The following PCDHGB4 variants were observed in gnomAD, a reference collection of about 807,000 sequenced individuals.
PCDHGB4 encodes the protein protocadherin gamma-B4.
Under a neutral mutation model 60.5 loss-of-function variants are expected in PCDHGB4, and 38 were observed. The observed-to-expected ratio is 0.63, with a 90% CI of 0.48 to 0.82. PCDHGB4 has a LOEUF of 0.82. Among genes scored for constraint, PCDHGB4 ranks in the 40% least tolerant of loss-of-function variants. The probability of loss-of-function intolerance (pLI) is 0.00; values close to 1 mark genes in which losing one functional copy is unlikely to be tolerated. For missense variants in PCDHGB4, 1,109 were observed against 1,209.6 expected (o/e 0.92, Z 1.23); for synonymous variants, 456 against 509.7 (o/e 0.89, Z 1.42).
chr5:141,476,190 C>T lies in PCDHGB4; in HGVS notation c.2398-18617C>T. On this transcript the variant is annotated intron_variant, in intron 1 of 3. Transcript: ENST00000519479. The surrounding 1 kb of genome is among the most constrained non-coding windows in gnomAD (Gnocchi z 7.6). ...GTGGGAGTTTTGCTTCTGCTTGGTG[C>T]CTTGAACAAGGCTTCCACGGTCATT... is the stretch of plus-strand genomic sequence containing the variant. 3.1e-6 allele frequency: 5 copies of T among 1,613,694 alleles called. No individual in the cohort carries two copies. The highest frequency in any genetic ancestry group is 4.2e-6 in the Non-Finnish European group (5 of 1,179,988).
At chr5:141,415,282 G>A in intron 1 of PCDHGB4, 1 of 1,614,224 alleles carries the variant, frequency 6.2e-7, no homozygotes, top group Non-Finnish European at 8.5e-7. Flanking sequence ...AGCGGTGGCC[G>A]CGGTCTCCTG....
intron 1 of PCDHGB4, chr5:141,423,244 C>T: frequency 1.2e-6 from 2 of 1,613,984 alleles, no homozygotes; most frequent in Non-Finnish European, 1.7e-6. Context: ...CCCCGAAGTC[C>T]TGGCGGACCT....
chr5:141,414,667 G>C, intron 1 of PCDHGB4: 1 of 1,614,002 alleles, frequency 6.2e-7, no homozygotes, highest in Non-Finnish European at 8.5e-7. Flanking sequence ...CCTGGCTGAA[G>C]ACACCATCCA....
intron 1 of PCDHGB4, chr5:141,393,009 A>T: frequency 6.2e-7 from 1 of 1,613,898 alleles, no homozygotes. Flanking sequence ...CGGAGTCCGT[A>T]TCGTCTCCAG....
At position 141,390,294 on chromosome 5, in the gene PCDHGB4, TA is replaced by T; in HGVS notation, c.2397+15del. ...GACTTCCCATCAGGTGAGTTTCCTT[TA>T]AGTATAATTTAATGCTCATTGCCTA... On this transcript the variant is annotated intron_variant, in intron 1 of 3. Transcript: ENST00000519479. 1 of 1,613,956 alleles carries T rather than the reference TA, an allele frequency of 6.2e-7. No homozygotes were observed. Among genetic ancestry groups the T allele is most frequent in the South Asian group, 1.1e-5 (1 of 91,074 alleles).
intron 1 of PCDHGB4, chr5:141,413,750 G>T (rs1325273363): frequency 6.2e-7 from 1 of 1,612,538 alleles, no homozygotes; most frequent in African/African-American, 1.3e-5. Flanking sequence ...CGTGCCAATG[G>T]CGTCAAGTAC....
intron 3 of PCDHGB4, among the ~76,000 whole-genome samples, chr5:141,506,146 T>C (rs1014881418): frequency 6.6e-6 from 1 of 152,086 alleles, no homozygotes; most frequent in African/African-American, 2.4e-5. Context: ...AAGAATATCA[T>C]TTGTCCTTAA....
intron 1 of PCDHGB4, chr5:141,420,078 C>T (rs764695314): frequency 6.2e-7 from 1 of 1,614,008 alleles, no homozygotes; most frequent in Non-Finnish European, 8.5e-7. Context: ...CCTGTGGGTC[C>T]CCCCAACTAC....
intron 1 of PCDHGB4, among the ~76,000 whole-genome samples, chr5:141,468,890 G>A (rs2099184679): frequency 6.6e-6 from 1 of 151,592 alleles, no homozygotes; most frequent in African/African-American, 2.4e-5. Flanking sequence ...TAATAATAAG[G>A]TACTAATATG....
At chr5:141,421,844 A>C (rs1261967247) in intron 1 of PCDHGB4, 2 of 1,613,740 alleles carry the variant, frequency 1.2e-6, no homozygotes, top group East Asian at 4.5e-5. Context: ...CGAGAGAAAG[A>C]GGCTGCTCAC....
intron 1 of PCDHGB4, among the ~76,000 whole-genome samples, chr5:141,457,215 T>C (rs1356941645): frequency 1.3e-5 from 2 of 152,186 alleles, no homozygotes; most frequent in South Asian, 2.1e-4. Flanking sequence ...AAATGTGGTG[T>C]GGTAGGTAAT....
chr5:141,463,125 G>A (rs2099053159), intron 1 of PCDHGB4, among the ~76,000 whole-genome samples: 3 of 152,192 alleles, frequency 2.0e-5, no homozygotes, highest in East Asian at 1.9e-4. Context: ...ATAGCTCCCT[G>A]GCAGTTCTTC....
intron 1 of PCDHGB4, among the ~76,000 whole-genome samples, chr5:141,474,726 A>G (rs549082085): frequency 6.6e-6 from 1 of 152,358 alleles, no homozygotes; most frequent in South Asian, 2.1e-4. Flanking sequence ...AAAGGACTCT[A>G]TGCAATCAAA....
chr5:141,423,569 T>A, intron 1 of PCDHGB4: 2 of 1,613,480 alleles, frequency 1.2e-6, no homozygotes, highest in Non-Finnish European at 1.7e-6. Context: ...GACACGCTCA[T>A]CAGCCAGGAG....
chr5:141,509,811 C>T (rs1321920000), intron 3 of PCDHGB4, among the ~76,000 whole-genome samples: 1 of 152,168 alleles, frequency 6.6e-6, no homozygotes, highest in African/African-American at 2.4e-5. Flanking sequence ...TAGAGCCGAG[C>T]TCTTCTCCAT....
At chr5:141,409,071 A>G in intron 1 of PCDHGB4, 4 of 1,613,996 alleles carry the variant, frequency 2.5e-6, no homozygotes, top group Non-Finnish European at 3.4e-6. Context: ...AGCACAAAAC[A>G]TATGTTCTCA....
intron 1 of PCDHGB4, chr5:141,403,479 A>G: frequency 1.2e-6 from 2 of 1,613,848 alleles, no homozygotes; most frequent in Non-Finnish European, 1.7e-6. Flanking sequence ...AGCCCCAATC[A>G]CCACTTCTCC....
intron 1 of PCDHGB4, chr5:141,405,039 C>T (rs1227328278): frequency 1.2e-6 from 2 of 1,613,880 alleles, no homozygotes; most frequent in Non-Finnish European, 1.7e-6. Flanking sequence ...CTCGTTGTGG[C>T]TGTGGCAGTC....
chr5:141,447,119 A>AT (rs2098526425), intron 1 of PCDHGB4, among the ~76,000 whole-genome samples: 1 of 150,848 alleles, frequency 6.6e-6, no homozygotes, highest in South Asian at 2.1e-4. Flanking sequence ...TGCTCCATGG[A>AT]TTTTTTTGTT....
Sources: gnomAD v4.1 joint callset for allele counts (sites outside exome capture counted in the v4.1 genomes callset) on GRCh38, gnomAD v4.1.1 for gene constraint, Gnocchi (gnomAD v3.1) non-coding constraint, MANE v1.5 for transcripts, NCBI Gene and HGNC (gene_info 2026-07-23, HGNC 2026-07-21) for gene names.